SHROOM3: variants seen among roughly 807,000 people sequenced by gnomAD.
SHROOM3 encodes shroom family member 3.
SHROOM3 carries 47 observed loss-of-function variants against 138.6 expected under a neutral mutation model. The observed-to-expected ratio is 0.34, with a 90% CI of 0.27 to 0.43. SHROOM3 has a LOEUF of 0.43. Among genes scored for constraint, SHROOM3 ranks in the 20% least tolerant of loss-of-function variants. The pLI, the probability that SHROOM3 is intolerant of heterozygous loss-of-function variation, is 1.00. For synonymous variants in SHROOM3, 1,062 were observed against 1,063.3 expected (o/e 1.00, Z 0.02); for missense variants, 2,491 against 2,596.5 (o/e 0.96, Z 0.88).
chr4:76,767,635 G>A (rs939093123), intron 9 of SHROOM3, among the ~76,000 whole-genome samples: 7 of 152,024 alleles, frequency 4.6e-5, no homozygotes, highest in African/African-American at 2.4e-5. Flanking sequence ...CCGAGATCAC[G>A]CCATTGCACT....
chr4:76,471,762 C>A (rs940234710), intron 1 of SHROOM3, among the ~76,000 whole-genome samples: 14 of 152,280 alleles, frequency 9.2e-5, no homozygotes, highest in African/African-American at 3.1e-4. Context: ...TTACTGCTCC[C>A]AGGCTCTGAA....
intron 2 of SHROOM3, among the ~76,000 whole-genome samples, chr4:76,632,122 C>T (rs1487302557): frequency 1.3e-5 from 2 of 152,118 alleles, no homozygotes; most frequent in Admixed American, 6.6e-5. Context: ...CAGCAGAATT[C>T]AGAGTTCTAT....
intron 2 of SHROOM3, among the ~76,000 whole-genome samples, chr4:76,574,106 C>T (rs1020854728): frequency 2.0e-5 from 3 of 152,208 alleles, no homozygotes; most frequent in Non-Finnish European, 4.4e-5. Context: ...GTCCTCACAG[C>T]TTGACTTGCC....
chr4:76,626,112 T>G (rs893274961), intron 2 of SHROOM3, among the ~76,000 whole-genome samples: 1 of 152,192 alleles, frequency 6.6e-6, no homozygotes, highest in Non-Finnish European at 1.5e-5. Context: ...GATTTAAAAT[T>G]GAAGCACAAA....
chr4:76,478,780 G>A (rs1731542816), intron 1 of SHROOM3, among the ~76,000 whole-genome samples: 1 of 152,182 alleles, frequency 6.6e-6, no homozygotes, highest in Non-Finnish European at 1.5e-5. Context: ...TCCAGAGGAA[G>A]GAACAGGCAG....
intron 2 of SHROOM3, among the ~76,000 whole-genome samples, chr4:76,661,777 CCTA>C (rs1259776439): frequency 6.6e-6 from 1 of 152,126 alleles, no homozygotes; most frequent in African/African-American, 2.4e-5. Context: ...TATCCATTCT[CCTA>C]CTGATGGACA....
At chr4:76,520,126 T>G (rs1732532234) in intron 1 of SHROOM3, among the ~76,000 whole-genome samples, 1 of 152,200 alleles carries the variant, frequency 6.6e-6, no homozygotes, top group Non-Finnish European at 1.5e-5. Context: ...CCTTTGATCT[T>G]CAGATAACTC....
intron 1 of SHROOM3, among the ~76,000 whole-genome samples, chr4:76,507,728 T>A (rs1732242885): frequency 6.6e-6 from 1 of 151,478 alleles, no homozygotes; most frequent in Admixed American, 6.6e-5. Flanking sequence ...GTATTTTTAG[T>A]AGAGTCAGGG....
At position 76,782,956 on chromosome 4, in the gene SHROOM3, T is replaced by G. The variant is rs1560629820; in HGVS notation, c.*3779T>G. On this transcript the variant is annotated 3_prime_UTR_variant, in exon 11 of 11. Transcript: ENST00000296043. ...ATGGGGAGCTCATTCAGAAACTAAA[T>G]AATGGTTTCTCAAAGTGTGGTCAGG... The G allele has an allele frequency of 1.3e-5, 2 of 152,298 alleles. No homozygotes were observed. Among genetic ancestry groups the G allele is most frequent in the East Asian group, 3.9e-4 (2 of 5,184 alleles). 9.4% of individuals were successfully genotyped at this position (152,298 alleles called of 1,614,324 possible). A position where few individuals can be genotyped will look rare whatever the true frequency, so the allele number is the denominator to read the frequency against.
chr4:76,708,095 G>T (rs1424298002), intron 2 of SHROOM3, among the ~76,000 whole-genome samples: 17 of 152,202 alleles, frequency 1.1e-4, no homozygotes, highest in African/African-American at 3.6e-4. Context: ...ATTTCAGCTG[G>T]TCCTGTAGAG....
At chr4:76,711,594 G>C (rs893507075) in intron 3 of SHROOM3, among the ~76,000 whole-genome samples, 21 of 152,174 alleles carry the variant, frequency 1.4e-4, no homozygotes, top group African/African-American at 5.1e-4. Context: ...TCTGGAGGCT[G>C]AGGTGGGAGG....
chr4:76,730,754 T>A, intron 3 of SHROOM3, 50 bp from the exon 4 acceptor site: 1 of 1,612,316 alleles, frequency 6.2e-7, no homozygotes, highest in South Asian at 1.1e-5. Context: ...GTGAGGAGAC[T>A]CAGCTGAGAC....
At chr4:76,673,958 G>T (rs1360693747) in intron 2 of SHROOM3, among the ~76,000 whole-genome samples, 1 of 152,236 alleles carries the variant, frequency 6.6e-6, no homozygotes, top group East Asian at 1.9e-4. Flanking sequence ...CTGTAACATT[G>T]AACTCCTGGG....
At chr4:76,569,672 TAGTTTTCCA>T (rs376188509) in intron 2 of SHROOM3, among the ~76,000 whole-genome samples, 8 of 151,664 alleles carry the variant, frequency 5.3e-5, no homozygotes, top group African/African-American at 1.2e-4. Flanking sequence ...CCAGTTTTCC[TAGTTTTCCA>T]GTTTTCTTCC....
At chr4:76,470,841 C>G (rs763792931) in intron 1 of SHROOM3, among the ~76,000 whole-genome samples, 20 of 152,136 alleles carry the variant, frequency 1.3e-4, no homozygotes, top group Non-Finnish European at 2.2e-4. Flanking sequence ...ACATTTCAAG[C>G]AGAATTTAAT....
At chr4:76,619,657 T>A (rs1734954829) in intron 2 of SHROOM3, among the ~76,000 whole-genome samples, 1 of 152,164 alleles carries the variant, frequency 6.6e-6, no homozygotes, top group Non-Finnish European at 1.5e-5. Flanking sequence ...GTTTTTATTG[T>A]AAGAGACAGA....
chr4:76,703,065 A>G (rs1719948612), intron 2 of SHROOM3, among the ~76,000 whole-genome samples: 1 of 152,194 alleles, frequency 6.6e-6, no homozygotes, highest in Non-Finnish European at 1.5e-5. Context: ...CAAGTGAAAA[A>G]AAGCAGCAGC....
At chr4:76,700,334 T>C (rs948647489) in intron 2 of SHROOM3, among the ~76,000 whole-genome samples, 4 of 152,186 alleles carry the variant, frequency 2.6e-5, no homozygotes, top group African/African-American at 9.7e-5. Context: ...TAAGAAGCTG[T>C]GCAGAAACAG....
chr4:76,493,082 A>T (rs1345179408), intron 1 of SHROOM3, among the ~76,000 whole-genome samples: 1 of 151,960 alleles, frequency 6.6e-6, no homozygotes, highest in African/African-American at 2.4e-5. Flanking sequence ...TTAGCTGGCC[A>T]TGGTGGTGGG....
Sources: allele counts gnomAD v4.1 joint callset (sites outside exome capture counted in the v4.1 genomes callset), GRCh38; gene constraint gnomAD v4.1.1; transcripts MANE v1.5; gene names NCBI Gene and HGNC (gene_info 2026-07-23, HGNC 2026-07-21).